The following EFNA5 variants were observed in gnomAD, a reference collection of about 807,000 sequenced individuals.
The protein encoded by EFNA5 is ephrin A5.
Under a neutral mutation model 22.9 loss-of-function variants are expected in EFNA5, and 5 were observed. The observed-to-expected ratio is 0.22, with a 90% CI of 0.11 to 0.46. The LOEUF (loss-of-function observed/expected upper bound fraction) is 0.46. Among genes scored for constraint, EFNA5 ranks in the 20% least tolerant of loss-of-function variants. EFNA5 has a pLI of 0.99. For synonymous variants in EFNA5, 113 were observed against 112.2 expected (o/e 1.01, Z -0.04); for missense variants, 237 against 293.3 (o/e 0.81, Z 1.40).
At position 107,463,881 on chromosome 5, in the gene EFNA5, T is replaced by A. The variant is rs531377888; in HGVS notation, c.126-36372A>T. Among the ~76,000 whole-genome samples, 6 of 152,268 alleles carry A rather than the reference T, an allele frequency of 3.9e-5. No individual in the cohort carries two copies. The East Asian group carries it at 5.8e-4, about 15-fold the overall frequency. ...TAATGTTGACTCCAAAGGCATGAAGTCACACTCACCGAGCTGCATCTAAGT... is the reference window on the plus strand; with the variant it reads ...TAATGTTGACTCCAAAGGCATGAAGACACACTCACCGAGCTGCATCTAAGT... On this transcript the variant is annotated intron_variant, in intron 1 of 4. Transcript: ENST00000333274.
At chr5:107,570,921 C>T (rs1378812135) in intron 1 of EFNA5, among the ~76,000 whole-genome samples, 2 of 152,142 alleles carry the variant, frequency 1.3e-5, no homozygotes, top group African/African-American at 4.8e-5. Flanking sequence ...TAAAAACAAA[C>T]GAAAGTAAAC....
chr5:107,380,770 G>A lies in EFNA5; in HGVS notation c.*485C>T. On this transcript the variant is annotated 3_prime_UTR_variant, in exon 5 of 5. Coordinates refer to ENST00000333274, the MANE Select transcript of EFNA5 (RefSeq NM_001962.3). ...CCCTCCGGACCTGACATGGTGACAT[G>A]ATGCCCTGCGCGATCATCTTACAGT... The A allele has an allele frequency of 2.5e-6, 1 of 400,082 alleles. No individual in the cohort carries two copies. Among genetic ancestry groups the A allele is most frequent in the Non-Finnish European group, 4.4e-6 (1 of 226,972 alleles). The allele number at this position is 400,082 out of a possible 1,614,324, so 24.8% of individuals were successfully genotyped here.
At chr5:107,635,455 T>C (rs1750353653) in intron 1 of EFNA5, among the ~76,000 whole-genome samples, 1 of 152,214 alleles carries the variant, frequency 6.6e-6, no homozygotes, top group South Asian at 2.1e-4. Flanking sequence ...TGCCTCTGGT[T>C]GCACCAACAT....
intron 2 of EFNA5, among the ~76,000 whole-genome samples, chr5:107,413,225 C>G (rs79730318): frequency 0.015 from 2,250 of 150,890 alleles, 47 homozygotes; most frequent in African/African-American, 0.052. Context: ...TAAAAGGAAC[C>G]TATGAAATAA....
intron 1 of EFNA5, among the ~76,000 whole-genome samples, chr5:107,535,258 A>G (rs1372317192): frequency 6.6e-6 from 1 of 152,228 alleles, no homozygotes; most frequent in East Asian, 1.9e-4. Flanking sequence ...CTGTTTGTAG[A>G]TTTGGGAGAA....
At chr5:107,493,997 T>C (rs536451755) in intron 1 of EFNA5, among the ~76,000 whole-genome samples, 4 of 152,264 alleles carry the variant, frequency 2.6e-5, no homozygotes, top group African/African-American at 9.6e-5. Context: ...TTGCAATGAG[T>C]TTAATGCTCT....
chr5:107,497,576 G>A (rs1347426752), intron 1 of EFNA5, among the ~76,000 whole-genome samples: 3 of 152,164 alleles, frequency 2.0e-5, no homozygotes, highest in African/African-American at 7.2e-5. Flanking sequence ...CTTGTTTGGT[G>A]TCTGCATCTC....
chr5:107,628,084 T>G (rs1750177806), intron 1 of EFNA5, among the ~76,000 whole-genome samples: 1 of 152,204 alleles, frequency 6.6e-6, no homozygotes, highest in Non-Finnish European at 1.5e-5. Flanking sequence ...AATAACTCAA[T>G]GTCATCCATA....
chr5:107,475,502 G>A (rs963951495), intron 1 of EFNA5, among the ~76,000 whole-genome samples: 10 of 152,148 alleles, frequency 6.6e-5, no homozygotes, highest in Admixed American at 3.3e-4. Context: ...CACTGTCCAC[G>A]TCAAAGGATC....
intron 1 of EFNA5, among the ~76,000 whole-genome samples, chr5:107,644,012 G>GT (rs548886349): frequency 6.6e-6 from 1 of 152,076 alleles, no homozygotes; most frequent in East Asian, 1.9e-4. Flanking sequence ...GGAGGAAAAT[G>GT]TTTTTTTCAT....
chr5:107,649,003 T>C (rs1036002573), intron 1 of EFNA5, among the ~76,000 whole-genome samples: 2 of 152,112 alleles, frequency 1.3e-5, no homozygotes, highest in Non-Finnish European at 1.5e-5. Context: ...AAGTTGAAAA[T>C]GACCTCCCAG....
At chr5:107,638,760 C>T (rs1054799471) in intron 1 of EFNA5, among the ~76,000 whole-genome samples, 66 of 152,046 alleles carry the variant, frequency 4.3e-4, no homozygotes, top group Middle Eastern at 6.8e-3. Flanking sequence ...CCACGGATAC[C>T]GAGGGATGAA....
At chr5:107,520,744 C>T (rs987891958) in intron 1 of EFNA5, among the ~76,000 whole-genome samples, 1 of 152,196 alleles carries the variant, frequency 6.6e-6, no homozygotes, top group African/African-American at 2.4e-5. Flanking sequence ...GTGTTTCTGA[C>T]TGCTTGGTAC....
intron 1 of EFNA5, among the ~76,000 whole-genome samples, chr5:107,446,017 G>C (rs1473966455): frequency 6.6e-6 from 1 of 152,220 alleles, no homozygotes; most frequent in Non-Finnish European, 1.5e-5. Flanking sequence ...GGAATACACA[G>C]TTGTCTGCCT....
intron 2 of EFNA5, among the ~76,000 whole-genome samples, chr5:107,399,054 T>C (rs1356292000): frequency 6.6e-6 from 1 of 152,074 alleles, no homozygotes; most frequent in Admixed American, 6.6e-5. Context: ...TGTAGAATGA[T>C]CTTGGGAACT....
intron 1 of EFNA5, among the ~76,000 whole-genome samples, chr5:107,668,719 T>C (rs991077434): frequency 2.6e-5 from 4 of 152,176 alleles, no homozygotes; most frequent in African/African-American, 7.2e-5. Context: ...GCTTCGTATA[T>C]GCTGCCTAAT....
intron 1 of EFNA5, among the ~76,000 whole-genome samples, chr5:107,569,485 AT>A (rs1284247300): frequency 1.4e-5 from 2 of 139,470 alleles, no homozygotes; most frequent in Non-Finnish European, 3.1e-5. Flanking sequence ...GTGTATATAT[AT>A]TTATATATAT....
At chr5:107,489,350 T>G (rs1746735469) in intron 1 of EFNA5, among the ~76,000 whole-genome samples, 1 of 152,008 alleles carries the variant, frequency 6.6e-6, no homozygotes, top group African/African-American at 2.4e-5. Flanking sequence ...ATTATTGTAT[T>G]TTTAGTAGAG....
At chr5:107,502,286 C>T (rs1462395877) in intron 1 of EFNA5, among the ~76,000 whole-genome samples, 1 of 152,152 alleles carries the variant, frequency 6.6e-6, no homozygotes, top group African/African-American at 2.4e-5. Flanking sequence ...AGGAAACTGC[C>T]GTCTCTGTTG....
Sources: gnomAD v4.1 joint callset for allele counts (sites outside exome capture counted in the v4.1 genomes callset) on GRCh38, gnomAD v4.1.1 for gene constraint, MANE v1.5 for transcripts, NCBI Gene and HGNC (gene_info 2026-07-23, HGNC 2026-07-21) for gene names.